HECTD4: variants seen among roughly 807,000 people sequenced by gnomAD.
The protein encoded by HECTD4 is HECT domain E3 ubiquitin protein ligase 4.
HECTD4 carries 114 observed loss-of-function variants against 471.5 expected under a neutral mutation model. The ratio of observed to expected loss-of-function variants is 0.24; its 90% CI spans 0.21 to 0.28. The LOEUF is 0.28. Ranked by LOEUF, HECTD4 falls within the 10% of genes least tolerant of loss-of-function variation. HECTD4 has a pLI of 1.00. For missense variants in HECTD4, 3,866 were observed against 5,651.5 expected (o/e 0.68, Z 10.13); for synonymous variants, 2,012 against 2,256.0 (o/e 0.89, Z 3.07).
At chr12:112,280,075 T>C (rs1173043872) in intron 8 of HECTD4, among the ~76,000 whole-genome samples, 2 of 152,154 alleles carry the variant, frequency 1.3e-5, no homozygotes, top group Non-Finnish European at 2.9e-5. Context: ...CCATTTTATA[T>C]AGAACAAATT....
At chr12:112,310,898 G>A (rs2035356665) in intron 4 of HECTD4, among the ~76,000 whole-genome samples, 1 of 152,192 alleles carries the variant, frequency 6.6e-6, no homozygotes, top group African/African-American at 2.4e-5. Context: ...TTGAAGCTGA[G>A]TGATGAGTAC....
chr12:112,194,741 A>AGC lies in HECTD4; in HGVS notation c.8749+143_8749+144insGC. On this transcript the variant is annotated intron_variant, in intron 56 of 75. Transcript: ENST00000682272. The surrounding 1 kb of genome is among the most constrained non-coding windows in gnomAD (Gnocchi z 4.6). ...AGAGTGAGAAAGCCCTGCCAGGAGA[A>AGC]TCCCAGTTCCTGCGTGCAATTTCTC... 3 of 706,770 alleles carry AGC rather than the reference A, an allele frequency of 4.2e-6. No homozygotes were observed. Among genetic ancestry groups the AGC allele is most frequent in the Non-Finnish European group, 7.0e-6 (3 of 428,752 alleles). 43.8% of individuals were successfully genotyped at this position (706,770 alleles called of 1,614,324 possible). A position where few individuals can be genotyped will look rare whatever the true frequency, so the allele number is the denominator to read the frequency against.
At chr12:112,249,824 T>C (rs1280666486) in intron 25 of HECTD4, 1 of 358,522 alleles carries the variant, frequency 2.8e-6, no homozygotes, top group Non-Finnish European at 5.2e-6. Context: ...TGTCACACTT[T>C]AGCATGCATC....
At chr12:112,369,120 G>T (rs913871821) in intron 1 of HECTD4, among the ~76,000 whole-genome samples, 1 of 152,004 alleles carries the variant, frequency 6.6e-6, no homozygotes, top group Non-Finnish European at 1.5e-5. Flanking sequence ...TGTATTAACC[G>T]GATTACTGAC....
intron 44 of HECTD4, among the ~76,000 whole-genome samples, chr12:112,221,858 G>A (rs2033105740): frequency 6.6e-6 from 1 of 151,050 alleles, no homozygotes; most frequent in South Asian, 2.1e-4. Context: ...GGGTTCAAGC[G>A]ATTCTCCTGC....
chr12:112,308,652 A>T lies in HECTD4; in HGVS notation c.1164+101T>A, dbSNP rs961404636. The T allele has an allele frequency of 5.4e-6, 6 of 1,109,468 alleles. No individual in the cohort carries two copies. The African/African-American group carries it at 9.5e-5, about 18-fold the overall frequency. The allele number at this position is 1,109,468 out of a possible 1,614,324, so 68.7% of individuals were successfully genotyped here. ...ACAATTAAAAGGATGCCACTCTGGG[A>T]GGAAAATATATCAACTGTATTATTA... On this transcript the variant is annotated intron_variant, in intron 6 of 75. Transcript: ENST00000682272.
chr12:112,247,926 T>A, intron 27 of HECTD4, 141 bp downstream of exon 27: 1 of 572,250 alleles, frequency 1.7e-6, no homozygotes, highest in Non-Finnish European at 3.0e-6. Flanking sequence ...TTTTAAAGAA[T>A]GGGTACATTT....
At chr12:112,340,639 T>C (rs61941336) in intron 1 of HECTD4, among the ~76,000 whole-genome samples, 5,531 of 152,274 alleles carry the variant, frequency 0.036, 165 homozygotes, top group South Asian at 0.061. Context: ...TCAATAGTAC[T>C]GAGGATGAGA....
chr12:112,203,624 C>A lies in HECTD4; in HGVS notation c.8406+12G>T. The A allele has an allele frequency of 6.2e-7, 1 of 1,609,660 alleles. No individual in the cohort carries two copies. The highest frequency in any genetic ancestry group is 8.5e-7 in the Non-Finnish European group (1 of 1,177,232). On this transcript the variant is annotated intron_variant, in intron 54 of 75. Coordinates refer to ENST00000682272, the MANE Select transcript of HECTD4 (RefSeq NM_001388303.1). The stretch of plus-strand genomic sequence containing the variant: ...TAAAATAGCTTATTAATCAGAATGG[C>A]TGTTCACTCACTGAATCAACATCTA...
chr12:112,276,177 G>T (rs2034523015), intron 9 of HECTD4, among the ~76,000 whole-genome samples: 1 of 152,144 alleles, frequency 6.6e-6, no homozygotes, highest in African/African-American at 2.4e-5. Flanking sequence ...AGCCGAAGAG[G>T]AACAGGACAC....
intron 37 of HECTD4, 128 bp from the exon 38 acceptor site, chr12:112,233,213 GCTTT>G: frequency 3.0e-6 from 1 of 336,140 alleles, no homozygotes; most frequent in Non-Finnish European, 5.4e-6. Flanking sequence ...ACTAACATTA[GCTTT>G]TTTTTTTTTT....
chr12:112,270,587 T>C, intron 11 of HECTD4, 128 bp from the exon 12 acceptor site: 1 of 759,678 alleles, frequency 1.3e-6, no homozygotes, highest in Non-Finnish European at 2.2e-6. Context: ...TCTCTTTCAC[T>C]GCTGCCAGAG....
At chr12:112,270,958 G>A (rs2034400620) in intron 11 of HECTD4, among the ~76,000 whole-genome samples, 1 of 152,156 alleles carries the variant, frequency 6.6e-6, no homozygotes. Context: ...GTTTTGACAT[G>A]TTAAGCTGAA....
At position 112,170,445 on chromosome 12, in the gene HECTD4, G is replaced by T; in HGVS notation, c.11940C>A (p.Ile3980=). 1 of 1,613,870 alleles carries T rather than the reference G, an allele frequency of 6.2e-7. No individual in the cohort carries two copies. Among genetic ancestry groups the T allele is most frequent in the Non-Finnish European group, 8.5e-7 (1 of 1,179,874 alleles). The part of the protein sequence containing the change: ...AALLKEAKGL[I]FYDTKVTVMN... ...TCACGGTCACCTTCGTGTCATAGAA[G>T]ATCAGCCCTAAGGAGAGGAACGTGG... The change falls in exon 69 of 76, where the codon ATC becomes ATA. Residue 3980 remains isoleucine, a synonymous_variant. Coordinates refer to ENST00000682272, the MANE Select transcript of HECTD4 (RefSeq NM_001388303.1).
In HECTD4 at chr12:112,185,010, C is replaced by T; in HGVS notation, c.9956G>A (p.Arg3319Gln). The T allele has an allele frequency of 6.2e-7, 1 of 1,607,436 alleles. No homozygotes were observed. Among genetic ancestry groups the T allele is most frequent in the Non-Finnish European group, 8.5e-7 (1 of 1,177,058 alleles). The change falls in exon 61 of 76, where the codon CGG becomes CAG. Residue 3319 changes from arginine to glutamine, a missense_variant. Arg to Gln is a conservative substitution (Grantham distance 43). This residue lies in a region of HECTD4 where 57 missense variants were observed against 49.8 expected (regional missense o/e 1.14). Transcript: ENST00000682272. ...CTTGCCCGACGAGGAGGCCTTTTCC[C>T]GCTTCATCTTGACTTTTTTCCTCTT... is the stretch of plus-strand genomic sequence containing the variant. ...LSKRKKVKMK[R>Q]EKASSSGKRQ...
intron 27 of HECTD4, 144 bp downstream of exon 27, chr12:112,247,923 G>A: frequency 5.3e-6 from 3 of 565,470 alleles, no homozygotes; most frequent in Non-Finnish European, 9.1e-6. Flanking sequence ...CTCTTTTAAA[G>A]AATGGGTACA....
At chr12:112,275,343 T>G (rs1212447444) in intron 9 of HECTD4, among the ~76,000 whole-genome samples, 2 of 152,200 alleles carry the variant, frequency 1.3e-5, no homozygotes, top group African/African-American at 4.8e-5. Flanking sequence ...GCTTGGTGTA[T>G]ACTCAAACAC....
At chr12:112,300,213 G>A (rs2035134084) in intron 7 of HECTD4, among the ~76,000 whole-genome samples, 1 of 151,324 alleles carries the variant, frequency 6.6e-6, no homozygotes. Context: ...GGAAGCTGAA[G>A]CAGGAGAATC....
At chr12:112,359,477 G>A (rs1256692965) in intron 1 of HECTD4, among the ~76,000 whole-genome samples, 1 of 152,060 alleles carries the variant, frequency 6.6e-6, no homozygotes, top group Non-Finnish European at 1.5e-5. Context: ...TGGAGTGCAG[G>A]GGAGTGATCT....
Sources: gnomAD v4.1 joint callset for allele counts (sites outside exome capture counted in the v4.1 genomes callset) on GRCh38, gnomAD v4.1.1 for gene constraint, gnomAD v4.1.1 regional missense constraint, Gnocchi (gnomAD v3.1) non-coding constraint, MANE v1.5 for transcripts, NCBI Gene and HGNC (gene_info 2026-07-23, HGNC 2026-07-21) for gene names.